Variants in CHST11 observed in about 807,000 individuals in gnomAD.
The protein encoded by CHST11 is C4S-1.
CHST11 carries 9 observed loss-of-function variants against 30.4 expected under a neutral mutation model. The observed-to-expected ratio is 0.30, with a 90% CI of 0.18 to 0.52. The LOEUF (loss-of-function observed/expected upper bound fraction) is 0.52, where lower values mean the gene tolerates loss of function less well. CHST11 is among the 20% of genes least tolerant of loss of function. The pLI is 0.97. For missense variants in CHST11, 348 were observed against 460.6 expected (o/e 0.76, Z 2.24); for synonymous variants, 152 against 187.8 (o/e 0.81, Z 1.56).
intron 2 of CHST11, among the ~76,000 whole-genome samples, chr12:104,638,366 G>A (rs1204059639): frequency 6.6e-6 from 1 of 152,176 alleles, no homozygotes; most frequent in Non-Finnish European, 1.5e-5. Context: ...ATAGGTTGAA[G>A]TAAAAAAGAA....
chr12:104,486,957 G>C (rs768565971), intron 1 of CHST11, among the ~76,000 whole-genome samples: 2 of 152,214 alleles, frequency 1.3e-5, no homozygotes, highest in African/African-American at 2.4e-5. Context: ...GGCATGCCCA[G>C]ATAGAGTTAG....
chr12:104,662,101 G>C (rs927755499), intron 2 of CHST11, among the ~76,000 whole-genome samples: 3 of 152,150 alleles, frequency 2.0e-5, no homozygotes, highest in African/African-American at 4.8e-5. Context: ...TCAAGGATAC[G>C]TGTTGGTAAC....
At chr12:104,697,552 C>T (rs1478304878) in intron 2 of CHST11, among the ~76,000 whole-genome samples, 1 of 152,174 alleles carries the variant, frequency 6.6e-6, no homozygotes, top group Non-Finnish European at 1.5e-5. Flanking sequence ...TGGGACTTCA[C>T]AGCCTCCATA....
intron 1 of CHST11, among the ~76,000 whole-genome samples, chr12:104,475,911 A>G (rs11112073): frequency 1.4e-5 from 2 of 143,156 alleles, no homozygotes; most frequent in African/African-American, 2.5e-5. Context: ...ATATATATAT[A>G]TGACTTTTTT....
intron 2 of CHST11, among the ~76,000 whole-genome samples, chr12:104,694,702 G>T (rs1434553200): frequency 6.6e-6 from 1 of 152,142 alleles, no homozygotes; most frequent in African/African-American, 2.4e-5. Flanking sequence ...TTGTGAGAAT[G>T]AACGATGGAA....
rs1209452258 is a variant in CHST11 at position 104,757,809 on chromosome 12, G to A, written c.*6G>A. The stretch of plus-strand genomic sequence containing the variant: ...GCTACCTGAAATTGGAATAAAGGGG[G>A]TGGGGAGAGGGAGAGAATCATGCTT... On this transcript the variant is annotated 3_prime_UTR_variant, in exon 3 of 3. Transcript: ENST00000303694. The surrounding 1 kb of genome is among the most constrained non-coding windows in gnomAD (Gnocchi z 6.5). 1.9e-6 allele frequency: 3 copies of A among 1,604,568 alleles called. No individual in the cohort carries two copies. Among genetic ancestry groups the A allele is most frequent in the African/African-American group, 1.3e-5 (1 of 74,672 alleles).
At chr12:104,608,780 T>G (rs2039030900) in intron 2 of CHST11, among the ~76,000 whole-genome samples, 1 of 152,174 alleles carries the variant, frequency 6.6e-6, no homozygotes, top group African/African-American at 2.4e-5. Flanking sequence ...TGTTTTCCAC[T>G]AGGACACAGA....
At chr12:104,586,860 T>C (rs1033520841) in intron 1 of CHST11, among the ~76,000 whole-genome samples, 1 of 152,258 alleles carries the variant, frequency 6.6e-6, no homozygotes, top group African/African-American at 2.4e-5. Context: ...TCTTGTTTTA[T>C]TTAAGTGAAC....
chr12:104,458,589 C>T lies in CHST11; in HGVS notation c.118+1060C>T, dbSNP rs1642295188. ...AGGTAGAACGTTCCGAGAAGCCTTCCGGGTAACGCGGGTCTCCCCGCCAAG... is the reference window on the plus strand; with the variant it reads ...AGGTAGAACGTTCCGAGAAGCCTTCTGGGTAACGCGGGTCTCCCCGCCAAG... On this transcript the variant is annotated intron_variant, in intron 1 of 2. Coordinates refer to ENST00000303694, the MANE Select transcript of CHST11 (RefSeq NM_018413.6). The surrounding 1 kb of genome is among the most constrained non-coding windows in gnomAD (Gnocchi z 5.7). 6.6e-6 allele frequency among the ~76,000 whole-genome samples: 1 copy of T among 152,230 alleles called. No homozygotes were observed. Among genetic ancestry groups the T allele is most frequent in the African/African-American group, 2.4e-5 (1 of 41,458 alleles).
intron 2 of CHST11, among the ~76,000 whole-genome samples, chr12:104,708,606 C>T (rs1487217310): frequency 6.6e-6 from 1 of 152,174 alleles, no homozygotes; most frequent in Admixed American, 6.5e-5. Flanking sequence ...CTTCATCTTC[C>T]TCCAGGTGCC....
intron 1 of CHST11, among the ~76,000 whole-genome samples, chr12:104,493,250 G>A (rs549466180): frequency 2.0e-5 from 3 of 152,228 alleles, no homozygotes; most frequent in Admixed American, 6.5e-5. Context: ...GGCAGGAGCC[G>A]CTGATCCTAG....
intron 1 of CHST11, among the ~76,000 whole-genome samples, chr12:104,518,974 C>CTT (rs5800625): frequency 5.3e-5 from 7 of 132,442 alleles, no homozygotes; most frequent in African/African-American, 2.0e-4. Flanking sequence ...TTTTTTCTTT[C>CTT]TTTTTTTTTT....
intron 1 of CHST11, among the ~76,000 whole-genome samples, chr12:104,513,802 T>C (rs960614565): frequency 6.6e-6 from 1 of 152,258 alleles, no homozygotes; most frequent in African/African-American, 2.4e-5. Flanking sequence ...TTTGTATTCA[T>C]TATTGGCAAG....
intron 2 of CHST11, among the ~76,000 whole-genome samples, chr12:104,710,267 G>A (rs1011438059): frequency 9.2e-5 from 14 of 152,222 alleles, no homozygotes; most frequent in Admixed American, 9.2e-4. Flanking sequence ...GCCTGTGGCT[G>A]CAGCGAGGAG....
At chr12:104,628,090 G>A (rs1238817026) in intron 2 of CHST11, among the ~76,000 whole-genome samples, 2 of 152,236 alleles carry the variant, frequency 1.3e-5, no homozygotes, top group East Asian at 1.9e-4. Flanking sequence ...CCCCTTCCCC[G>A]CTGCCTGGCA....
chr12:104,684,298 GGATGGATA>G (rs1222700298), intron 2 of CHST11, among the ~76,000 whole-genome samples: 3 of 123,466 alleles, frequency 2.4e-5, no homozygotes, highest in African/African-American at 5.5e-5. Flanking sequence ...ATGGATGGAT[GGATGGATA>G]GATGGGTGAG....
chr12:104,753,222 A>G (rs2040447913), intron 2 of CHST11, among the ~76,000 whole-genome samples: 1 of 152,242 alleles, frequency 6.6e-6, no homozygotes, highest in Admixed American at 6.5e-5. Context: ...TCCTCAAGGT[A>G]GTGAACAAGG....
At chr12:104,522,809 C>G (rs78595852) in intron 1 of CHST11, among the ~76,000 whole-genome samples, 1 of 151,986 alleles carries the variant, frequency 6.6e-6, no homozygotes, top group Admixed American at 6.6e-5. Flanking sequence ...AAGGCTCCCC[C>G]TGTGCTATTT....
intron 1 of CHST11, among the ~76,000 whole-genome samples, chr12:104,539,851 T>C (rs2038270631): frequency 6.6e-6 from 1 of 152,182 alleles, no homozygotes; most frequent in Non-Finnish European, 1.5e-5. Context: ...GTTTTTTCTT[T>C]TCTTTAGAGA....
Sources: gnomAD v4.1 joint callset for allele counts (sites outside exome capture counted in the v4.1 genomes callset) on GRCh38, gnomAD v4.1.1 for gene constraint, Gnocchi (gnomAD v3.1) non-coding constraint, MANE v1.5 for transcripts, NCBI Gene and HGNC (gene_info 2026-07-23, HGNC 2026-07-21) for gene names.